WASF3: variants seen among roughly 807,000 people sequenced by gnomAD.
The protein encoded by WASF3 is actin-binding protein WASF3.
WASF3 carries 11 observed loss-of-function variants against 46.6 expected under a neutral mutation model. The observed-to-expected ratio is 0.24, with a 90% CI of 0.15 to 0.39. The LOEUF is 0.39. WASF3 is among the 10% of genes least tolerant of loss of function. WASF3 has a pLI of 1.00. For synonymous variants in WASF3, 242 were observed against 259.7 expected (o/e 0.93, Z 0.65); for missense variants, 576 against 669.8 (o/e 0.86, Z 1.55).
intron 1 of WASF3, among the ~76,000 whole-genome samples, chr13:26,567,212 C>A (rs1406878085): frequency 6.6e-6 from 1 of 152,196 alleles, no homozygotes; most frequent in East Asian, 1.9e-4. Context: ...CTCAAACAGT[C>A]ATTCAGGAAT....
chr13:26,629,430 A>G (rs1377555518), intron 2 of WASF3, among the ~76,000 whole-genome samples: 3 of 152,198 alleles, frequency 2.0e-5, no homozygotes, highest in African/African-American at 7.2e-5. Context: ...ACGCGGTGTC[A>G]TGAACTGGTG....
At chr13:26,625,348 TGGGGACCCAGGAAA>T (rs148561146) in intron 2 of WASF3, among the ~76,000 whole-genome samples, 1,674 of 152,256 alleles carry the variant, frequency 0.011, 21 homozygotes, top group Non-Finnish European at 0.015. Flanking sequence ...GTCTACAAAC[TGGGGACCCAGGAAA>T]GCCAGTGGTG....
At chr13:26,571,840 C>A (rs1302823166) in intron 1 of WASF3, among the ~76,000 whole-genome samples, 2 of 152,188 alleles carry the variant, frequency 1.3e-5, no homozygotes, top group Non-Finnish European at 2.9e-5. Flanking sequence ...GATGTCTTAG[C>A]CAAGAACAGT....
rs935882432 is a variant in WASF3, at chr13:26,676,717, G to C, written c.709G>C (p.Asp237His). 7 of 1,613,374 alleles carry C rather than the reference G, an allele frequency of 4.3e-6. No homozygotes were observed. Among genetic ancestry groups the C allele is most frequent in the African/African-American group, 1.3e-5 (1 of 74,904 alleles). Residue 237 changes from aspartate (D) to histidine (H), a missense_variant, in exon 7 of 10, where the codon GAT becomes CAT. Coordinates refer to ENST00000335327, the MANE Select transcript of WASF3 (RefSeq NM_006646.6). ...GASSEGSLSP[D>H]TRSHASDVTD... ...GTCTTCCGAGGGATCCCTGTCCCCA[G>C]ATACTAGGTGTGTGTGTGTCACTGC...
intron 2 of WASF3, chr13:26,638,188 A>G (rs1384040347): frequency 6.6e-6 from 1 of 152,224 alleles, no homozygotes; most frequent in Admixed American, 6.5e-5. Flanking sequence ...GCTGCAGACT[A>G]GTTTTGTCAT....
the WASF3 span, among the ~76,000 whole-genome samples, chr13:26,548,847 G>A: frequency 6.6e-6 from 1 of 151,910 alleles, no homozygotes; most frequent in African/African-American, 2.4e-5. Flanking sequence ...ACCCTTTGAG[G>A]TTCTACTTAA....
Position 26,667,592 on chromosome 13 carries a change from A to C in WASF3, c.344A>C (p.Asn115Thr). The C allele has an allele frequency of 6.2e-7, 1 of 1,614,174 alleles. No homozygotes were observed. The highest frequency in any genetic ancestry group is 8.5e-7 in the Non-Finnish European group (1 of 1,179,998). ...CAAGACCAGCAAGTGGTTTCAAAGA[A>C]CAGCATTCCTAATCCTGTTGCTGAT... is the stretch of plus-strand genomic sequence containing the variant. ...TVQDQQVVSK[N>T]SIPNPVADIY... The change falls in exon 5 of 10, where the codon AAC becomes ACC. Residue 115 changes from asparagine (N) to threonine (T), a missense_variant. By Grantham distance (65) the Asn-to-Thr change is moderately conservative. This residue lies in a region of WASF3 where 213 missense variants were observed against 278.0 expected (regional missense o/e 0.77). Transcript: ENST00000335327.
At chr13:26,620,292 TA>T (rs1052601370) in intron 2 of WASF3, among the ~76,000 whole-genome samples, 14 of 152,276 alleles carry the variant, frequency 9.2e-5, no homozygotes, top group African/African-American at 3.1e-4. Flanking sequence ...TAAAGGACTA[TA>T]AAACAGATGT....
At chr13:26,580,680 C>T (rs1460374369) in intron 1 of WASF3, among the ~76,000 whole-genome samples, 10 of 148,386 alleles carry the variant, frequency 6.7e-5, no homozygotes, top group Admixed American at 2.0e-4. Flanking sequence ...GACTGGAGTG[C>T]GATGGCACGA....
intron 1 of WASF3, among the ~76,000 whole-genome samples, chr13:26,562,884 C>T (rs7333299): frequency 2.8e-4 from 37 of 132,170 alleles, no homozygotes; most frequent in South Asian, 1.1e-3. Flanking sequence ...CCTTCCCCTT[C>T]GCCTCCCTCC....
the WASF3 span, among the ~76,000 whole-genome samples, chr13:26,542,356 G>A: frequency 2.0e-5 from 3 of 152,226 alleles, no homozygotes; most frequent in African/African-American, 7.2e-5. Flanking sequence ...ATGTGGAACA[G>A]TGATGGCATC....
chr13:26,623,216 C>T (rs1000447368), intron 2 of WASF3, among the ~76,000 whole-genome samples: 1 of 152,188 alleles, frequency 6.6e-6, no homozygotes, highest in African/African-American at 2.4e-5. Context: ...TTCTACAGCC[C>T]TCCACTGGGT....
intron 1 of WASF3, chr13:26,577,417 A>G: frequency 1.3e-6 from 1 of 788,888 alleles, no homozygotes; most frequent in Admixed American, 1.7e-5. Flanking sequence ...AGGTGCAGAA[A>G]AATGACTTGA....
rs76806482 is a variant in WASF3, at chr13:26,651,966, A to G, written c.133+9563A>G. Among the ~76,000 whole-genome samples, 686 of 152,342 alleles carry G rather than the reference A, an allele frequency of 4.5e-3. 36 individuals carry two copies. In the East Asian group the frequency reaches 0.11, roughly 25 times the overall value. ...AGATATCAAATGAAATCCTAAAATA[A>G]TGATTTGATTATCCCAGAAGGCAAG... On this transcript the variant is annotated intron_variant, in intron 3 of 9. Transcript: ENST00000335327.
Position 26,682,544 on chromosome 13 carries a change from GA to G in WASF3, c.984-62del. On this transcript the variant is annotated intron_variant, in intron 8 of 9. Transcript: ENST00000335327. This position sits in a 1 kb window ranked among gnomAD's most constrained non-coding sequence, Gnocchi z 4.4. ...GGGGATGGCTCCGTTAGGTGTCTAA[GA>G]GCTCCCAGGACGTGACCCTCTCTTG... The G allele has an allele frequency of 6.2e-7, 1 of 1,603,710 alleles. No individual in the cohort carries two copies. Among genetic ancestry groups the G allele is most frequent in the South Asian group, 1.1e-5 (1 of 90,034 alleles).
At chr13:26,675,650 C>CTGTGTGTGTGTGTGTGTGTGCG (rs1883046709) in intron 6 of WASF3, among the ~76,000 whole-genome samples, 1 of 146,980 alleles carries the variant, frequency 6.8e-6, no homozygotes, top group Non-Finnish European at 1.5e-5. Flanking sequence ...GATGCCATGT[C>CTGTGTGTGTGTGTGTGTGTGCG]TGTGTGTGTG....
At chr13:26,589,903 C>T (rs998635063) in intron 1 of WASF3, among the ~76,000 whole-genome samples, 3 of 151,614 alleles carry the variant, frequency 2.0e-5, no homozygotes, top group Non-Finnish European at 4.4e-5. Flanking sequence ...TGAATGGCCA[C>T]CCCCCATTGC....
intron 5 of WASF3, 39 bp from the exon 6 acceptor site, chr13:26,671,833 A>C (rs778426069): frequency 1.8e-5 from 25 of 1,417,620 alleles, no homozygotes; most frequent in Non-Finnish European, 2.4e-5. Context: ...AGTCTCTAAC[A>C]ATCTTTTCTT....
intron 1 of WASF3, among the ~76,000 whole-genome samples, chr13:26,612,033 C>T (rs546533674): frequency 6.6e-6 from 1 of 152,258 alleles, no homozygotes; most frequent in Non-Finnish European, 1.5e-5. Context: ...CTTGATGCCT[C>T]CCACCCTTGT....
Sources: allele counts gnomAD v4.1 joint callset (sites outside exome capture counted in the v4.1 genomes callset), GRCh38; gene constraint gnomAD v4.1.1; regional missense constraint gnomAD v4.1.1; non-coding constraint Gnocchi (gnomAD v3.1); transcripts MANE v1.5; gene names NCBI Gene and HGNC (gene_info 2026-07-23, HGNC 2026-07-21).